The following URM1 variants were observed in gnomAD, a reference collection of about 807,000 sequenced individuals.
The protein encoded by URM1 is ubiquitin related modifier 1.
URM1 carries 11 observed loss-of-function variants against 17.7 expected under a neutral mutation model. That is an observed-to-expected ratio of 0.62 (90% CI 0.39 to 1.03). The LOEUF is 1.03. Ranked by LOEUF, URM1 falls within the 50% of genes least tolerant of loss-of-function variation. URM1 has a pLI of 0.00. For synonymous variants in URM1, 48 were observed against 50.6 expected (o/e 0.95, Z 0.22); for missense variants, 128 against 129.2 (o/e 0.99, Z 0.04).
At chr9:128,383,597 T>A (rs1833188449) in intron 2 of URM1, among the ~76,000 whole-genome samples, 1 of 151,958 alleles carries the variant, frequency 6.6e-6, no homozygotes, top group African/African-American at 2.4e-5. Context: ...TCAGGCCCAG[T>A]GGGTGGGAAT....
chr9:128,389,023 T>G, intron 3 of URM1: 1 of 1,342,570 alleles, frequency 7.4e-7, no homozygotes, highest in Non-Finnish European at 9.5e-7. Flanking sequence ...ATGGTCTGGG[T>G]GGTGGTGCTG....
At position 128,389,235 on chromosome 9, in the gene URM1, G is replaced by C. The variant is rs1024864483; in HGVS notation, c.189-26G>C. 6.3e-6 allele frequency: 10 copies of C among 1,578,538 alleles called. No homozygotes were observed. The Admixed American group carries it at 8.6e-5, about 14-fold the overall frequency. ...TACTGCCTCCTGCCTCTCACTCCTT[G>C]CTACTCACCACCATCTTTCCCACAG... On this transcript the variant is annotated intron_variant, in intron 3 of 4. Coordinates refer to ENST00000372853, the MANE Select transcript of URM1 (RefSeq NM_030914.4).
Position 128,389,955 on chromosome 9 carries a change from C to A in URM1, c.*221C>A. On this transcript the variant is annotated 3_prime_UTR_variant, in exon 5 of 5. Coordinates refer to ENST00000372853, the MANE Select transcript of URM1 (RefSeq NM_030914.4). ...CAGACAGGCGCCAGAGCCCAGCACT[C>A]CCTTTTCCAGCAGCTGTGGTGGGGG... is the stretch of plus-strand genomic sequence containing the variant. The A allele has an allele frequency of 1.7e-6, 1 of 601,730 alleles. No homozygotes were observed. Among genetic ancestry groups the A allele is most frequent in the Non-Finnish European group, 2.8e-6 (1 of 351,334 alleles). 37.3% of individuals were successfully genotyped at this position (601,730 alleles called of 1,614,324 possible).
intron 3 of URM1, chr9:128,388,847 G>A (rs2131301838): frequency 1.6e-5 from 16 of 1,002,870 alleles, no homozygotes; most frequent in Non-Finnish European, 1.8e-5. Flanking sequence ...ACGAGAATAA[G>A]ATTAGACCCC....
chr9:128,389,702 G>T lies in URM1; in HGVS notation c.274G>T (p.Val92Phe). ...LDYQLQDQDSVLFISTLHGG is the reference protein window; with the variant it reads ...LDYQLQDQDSFLFISTLHGG ...CTACCAGCTTCAGGACCAGGACAGC[G>T]TCCTCTTCATCTCCACTCTGCACGG... Residue 92 changes from valine to phenylalanine, a missense_variant, in exon 5 of 5, where the codon GTC becomes TTC. By Grantham distance (50) the Val-to-Phe change is conservative. Transcript: ENST00000372853. The T allele has an allele frequency of 6.2e-7, 1 of 1,613,548 alleles. No homozygotes were observed. Among genetic ancestry groups the T allele is most frequent in the Non-Finnish European group, 8.5e-7 (1 of 1,180,006 alleles).
intron 4 of URM1, 109 bp downstream of exon 4, chr9:128,389,418 C>T (rs1322036239): frequency 1.2e-6 from 2 of 1,601,772 alleles, no homozygotes; most frequent in Non-Finnish European, 1.7e-6. Flanking sequence ...TAATCCTCCG[C>T]CCCACTCCAG....
At chr9:128,377,977 A>G (rs1833099269) in intron 1 of URM1, 59 bp from the exon 2 acceptor site, 1 of 1,594,818 alleles carries the variant, frequency 6.3e-7, no homozygotes, top group Non-Finnish European at 8.6e-7. Context: ...TGTTTCCGCT[A>G]CCTCTTCCTA....
At chr9:128,374,173 G>A (rs1445354985) in intron 1 of URM1, among the ~76,000 whole-genome samples, 1 of 152,184 alleles carries the variant, frequency 6.6e-6, no homozygotes, top group African/African-American at 2.4e-5. Context: ...TTGAGGCTGG[G>A]CATGCACCTT....
chr9:128,375,071 A>T (rs1369172746), intron 1 of URM1, among the ~76,000 whole-genome samples: 2 of 152,196 alleles, frequency 1.3e-5, no homozygotes, highest in Non-Finnish European at 2.9e-5. Flanking sequence ...AACCTTGGAC[A>T]AGTTGGTTGC....
At chr9:128,383,167 C>T (rs1833181656) in intron 2 of URM1, among the ~76,000 whole-genome samples, 1 of 152,116 alleles carries the variant, frequency 6.6e-6, no homozygotes, top group African/African-American at 2.4e-5. Context: ...ATCCCCTCTC[C>T]ACCTCCCTCC....
intron 2 of URM1, among the ~76,000 whole-genome samples, chr9:128,386,438 A>T (rs1833228712): frequency 6.6e-6 from 1 of 152,222 alleles, no homozygotes; most frequent in African/African-American, 2.4e-5. Flanking sequence ...TGCTTTGTTT[A>T]AAAGGAGACA....
At chr9:128,388,503 C>T (rs1045197792) in intron 3 of URM1, 4 of 986,004 alleles carry the variant, frequency 4.1e-6, no homozygotes, top group Middle Eastern at 5.2e-4. Flanking sequence ...GAAAGGTGGC[C>T]GGTGCAGTTG....
chr9:128,372,235 C>T (rs1387235425), intron 1 of URM1, among the ~76,000 whole-genome samples: 1 of 151,942 alleles, frequency 6.6e-6, no homozygotes, highest in African/African-American at 2.4e-5. Context: ...GTGTACTTTA[C>T]AGTATCACGT....
rs1833299609 is a variant in URM1, at chr9:128,390,658, T to C, written c.*924T>C. The C allele has an allele frequency of 6.6e-6, 1 of 152,424 alleles. No individual in the cohort carries two copies. The highest frequency in any genetic ancestry group is 1.5e-5 in the Non-Finnish European group (1 of 68,038). The allele number at this position is 152,424 out of a possible 1,614,324, so 9.4% of individuals were successfully genotyped here. ...GCACAGTGCTTTGCCCCTCCTCCCCTTCCCTTCTGGAAGTCTTGGGGCCTC... is the reference window on the plus strand; with the variant it reads ...GCACAGTGCTTTGCCCCTCCTCCCCCTCCCTTCTGGAAGTCTTGGGGCCTC... On this transcript the variant is annotated 3_prime_UTR_variant, in exon 5 of 5. Coordinates refer to ENST00000372853, the MANE Select transcript of URM1 (RefSeq NM_030914.4).
intron 2 of URM1, among the ~76,000 whole-genome samples, chr9:128,386,861 C>G (rs778449469): frequency 5.6e-4 from 86 of 152,234 alleles, no homozygotes; most frequent in Non-Finnish European, 1.2e-3. Flanking sequence ...CTGCTGGCTT[C>G]CCAGAGGCGA....
Position 128,390,411 on chromosome 9 carries a change from T to A in URM1, c.*677T>A, listed in dbSNP as rs554949609. On this transcript the variant is annotated 3_prime_UTR_variant, in exon 5 of 5. Transcript: ENST00000372853. ...TGGGCTCCTGAGACCCTCCCCAGGC[T>A]GCTTACAGCTCATTCTGCTGGGGGT... is the stretch of plus-strand genomic sequence containing the variant. 1 of 152,478 alleles carries A rather than the reference T, an allele frequency of 6.6e-6. No individual in the cohort carries two copies. Among genetic ancestry groups the A allele is most frequent in the South Asian group, 2.1e-4 (1 of 4,820 alleles). 9.4% of individuals were successfully genotyped at this position (152,478 alleles called of 1,614,324 possible).
intron 1 of URM1, among the ~76,000 whole-genome samples, chr9:128,376,394 T>C (rs1833078176): frequency 6.7e-6 from 1 of 149,684 alleles, no homozygotes; most frequent in Admixed American, 6.7e-5. Context: ...GCACGGTGGC[T>C]CACGCCTGTA....
intron 2 of URM1, among the ~76,000 whole-genome samples, chr9:128,382,368 T>G (rs1833169987): frequency 6.6e-6 from 1 of 152,090 alleles, no homozygotes; most frequent in Non-Finnish European, 1.5e-5. Context: ...TAGGAGAGTC[T>G]TACCCTTCCC....
chr9:128,391,189 A>G lies in URM1; in HGVS notation c.*1455A>G, dbSNP rs978608305. 2 of 152,214 alleles carry G rather than the reference A, an allele frequency of 1.3e-5. No individual in the cohort carries two copies. Among genetic ancestry groups the G allele is most frequent in the Non-Finnish European group, 2.9e-5 (2 of 68,050 alleles). The allele number at this position is 152,214 out of a possible 1,614,324, so 9.4% of individuals were successfully genotyped here. ...CACCCAAAATGTTGCTTTTCATTCT[A>G]TGTCAATAATTTAAGGTGGAATTTC... On this transcript the variant is annotated 3_prime_UTR_variant, in exon 5 of 5. Coordinates refer to ENST00000372853, the MANE Select transcript of URM1 (RefSeq NM_030914.4).
Sources: allele counts gnomAD v4.1 joint callset (sites outside exome capture counted in the v4.1 genomes callset), GRCh38; gene constraint gnomAD v4.1.1; transcripts MANE v1.5; gene names NCBI Gene and HGNC (gene_info 2026-07-23, HGNC 2026-07-21).